TESPA1: variants seen among roughly 807,000 people sequenced by gnomAD.
TESPA1 encodes the protein thymocyte expressed, positive selection associated 1, also known as protein TESPA1.
A neutral mutation model predicts 57.9 loss-of-function variants in TESPA1; 33 were observed. The ratio of observed to expected loss-of-function variants is 0.57; its 90% CI spans 0.43 to 0.76. TESPA1 has a LOEUF of 0.76. TESPA1 is among the 30% of genes least tolerant of loss of function. The probability of loss-of-function intolerance (pLI) is 0.00; values close to 1 mark genes in which losing one functional copy is unlikely to be tolerated. For synonymous variants in TESPA1, 227 were observed against 228.9 expected (o/e 0.99, Z 0.07); for missense variants, 618 against 632.9 (o/e 0.98, Z 0.25).
chr12:54,963,324 A>C, intron 8 of TESPA1, 82 bp from the exon 9 acceptor site: 1 of 1,353,658 alleles, frequency 7.4e-7, no homozygotes. Context: ...GGCTCCCCAA[A>C]GCTCAAAATT....
At chr12:54,985,017 G>C (rs1017300555), upstream of TESPA1, among the ~76,000 whole-genome samples, 2 of 152,180 alleles carry the variant, frequency 1.3e-5, no homozygotes, top group African/African-American at 4.8e-5. Flanking sequence ...CATATAACTA[G>C]AATTCCACTG....
Position 54,962,650 on chromosome 12 carries a change from T to C in TESPA1, c.1248A>G (p.Leu416=). The C allele has an allele frequency of 6.2e-7, 1 of 1,613,964 alleles. No individual in the cohort carries two copies. Among genetic ancestry groups the C allele is most frequent in the Admixed American group, 1.7e-5 (1 of 60,024 alleles). The change falls in exon 9 of 11, where the codon CTA becomes CTG. Residue 416 remains leucine, a synonymous_variant. Transcript: ENST00000449076. ...PAQIRRELCS[L]PATNTETHPA... is the part of the protein sequence containing the mutation. ...GATGGGTTTCCGTATTGGTGGCTGG[T>C]AGACTACACAGCTCTCTCCTTATCT...
chr12:54,948,331 G>T lies in TESPA1; in HGVS notation c.*2061C>A, dbSNP rs4758991. 23,962 of 184,716 alleles carry T rather than the reference G, an allele frequency of 0.13. 2,837 individuals carry two copies. The highest frequency in any genetic ancestry group is 0.51 in the East Asian group (3,514 of 6,898). The allele number at this position is 184,716 out of a possible 1,614,324, so 11.4% of individuals were successfully genotyped here. On this transcript the variant is annotated 3_prime_UTR_variant, in exon 11 of 11. Coordinates refer to ENST00000449076, the MANE Select transcript of TESPA1 (RefSeq NM_001136030.3). ...GGATGTATACATGCAGGTCACAGGG[G>T]ATATGATGGCTTAGCTTGGGCTCAG...
At chr12:54,967,499 C>T (rs1275504560) in intron 4 of TESPA1, among the ~76,000 whole-genome samples, 1 of 151,926 alleles carries the variant, frequency 6.6e-6, no homozygotes, top group Non-Finnish European at 1.5e-5. Flanking sequence ...GTTATGTACA[C>T]AATCCCCTGC....
intron 1 of TESPA1, among the ~76,000 whole-genome samples, chr12:54,977,574 G>A (rs1452152144): frequency 6.6e-6 from 1 of 152,204 alleles, no homozygotes; most frequent in Admixed American, 6.5e-5. Context: ...AAAGGAAAAT[G>A]CCTATGAAGG....
chr12:54,980,084 C>A (rs563834641), intron 1 of TESPA1, among the ~76,000 whole-genome samples: 96 of 152,124 alleles, frequency 6.3e-4, no homozygotes, highest in African/African-American at 2.0e-3. Flanking sequence ...ATAGTTTTTC[C>A]ACTGACATTA....
intron 5 of TESPA1, 132 bp downstream of exon 5, chr12:54,967,051 G>A (rs1951484811): frequency 1.1e-6 from 1 of 943,934 alleles, no homozygotes. Flanking sequence ...TAATGAGACT[G>A]CCCTTTCCCT....
chr12:54,965,399 T>A (rs1249091876), intron 7 of TESPA1, among the ~76,000 whole-genome samples: 1 of 152,188 alleles, frequency 6.6e-6, no homozygotes, highest in African/African-American at 2.4e-5. Flanking sequence ...CCTGTGTCCA[T>A]GTGTTCTCAT....
Position 54,974,458 on chromosome 12 carries a change from G to A in TESPA1, c.105C>T (p.Ala35=), listed in dbSNP as rs373801233. The A allele has an allele frequency of 4.7e-5, 75 of 1,609,572 alleles. No individual in the cohort carries two copies. In the East Asian group the frequency reaches 1.3e-3, roughly 28 times the overall value. ...CAGGATCTGGGACATCCTGCAGGGC[G>A]GCGGCAGCCTCCTCTTCTAGGACCT... The part of the protein sequence containing the change: ...QTQVLEEEAA[A]ALQDVPDPEP... Residue 35 remains alanine (A), a synonymous_variant, in exon 2 of 11, where the codon GCC becomes GCT. Coordinates refer to ENST00000449076, the MANE Select transcript of TESPA1 (RefSeq NM_001136030.3).
intron 10 of TESPA1, among the ~76,000 whole-genome samples, chr12:54,957,830 A>T (rs1300914911): frequency 1.3e-5 from 2 of 152,230 alleles, no homozygotes; most frequent in African/African-American, 2.4e-5. Flanking sequence ...ACTCATAATT[A>T]TTTTACATTC....
Position 54,971,969 on chromosome 12 carries a change from A to C in TESPA1, c.206+1508T>G, listed in dbSNP as rs77766664. Reference sequence around the variant, plus strand: ...TCACCAGTCACTCACTATTAAAAGCATAAAGCACATACACATATATCATCT... The same window carrying C: ...TCACCAGTCACTCACTATTAAAAGCCTAAAGCACATACACATATATCATCT... On this transcript the variant is annotated intron_variant, in intron 3 of 10. Transcript: ENST00000449076. Among the ~76,000 whole-genome samples the C allele has an allele frequency of 3.9e-3, 593 of 152,336 alleles. 2 individuals are homozygous for C. Among genetic ancestry groups the C allele is most frequent in the Non-Finnish European group, 6.7e-3 (459 of 68,026 alleles).
At chr12:54,971,338 T>C (rs540699198) in intron 3 of TESPA1, among the ~76,000 whole-genome samples, 9 of 152,386 alleles carry the variant, frequency 5.9e-5, no homozygotes, top group African/African-American at 2.2e-4. Context: ...TAGAATCTCA[T>C]GTTTAGAATG....
intron 4 of TESPA1, 145 bp from the exon 5 acceptor site, chr12:54,967,381 G>C: frequency 1.1e-6 from 1 of 878,932 alleles, no homozygotes; most frequent in Non-Finnish European, 1.8e-6. Context: ...ACCCACGTTT[G>C]TCAAATTACC....
intron 10 of TESPA1, among the ~76,000 whole-genome samples, chr12:54,954,038 G>A (rs1287756202): frequency 6.6e-6 from 1 of 152,316 alleles, no homozygotes; most frequent in African/African-American, 2.4e-5. Context: ...AAGAAGGCAA[G>A]TACATTTCAG....
At chr12:54,979,286 A>G (rs963057578) in intron 1 of TESPA1, among the ~76,000 whole-genome samples, 1 of 152,188 alleles carries the variant, frequency 6.6e-6, no homozygotes, top group Non-Finnish European at 1.5e-5. Context: ...GAGTTCATCT[A>G]TCATCTCTCT....
At position 54,963,856 on chromosome 12, in the gene TESPA1, T is replaced by C. The variant is rs376871530; in HGVS notation, c.541A>G (p.Ile181Val). 1.4e-4 allele frequency: 221 copies of C among 1,613,994 alleles called. No individual in the cohort carries two copies. The East Asian group carries it at 3.2e-3, about 24-fold the overall frequency. The change falls in exon 8 of 11, where the codon ATA (isoleucine) becomes GTA (valine). Residue 181 changes from isoleucine to valine, a missense_variant. Around this residue, in one of 3 missense-constraint regions of TESPA1, gnomAD observed 409 missense variants for 420.1 expected, o/e 0.97. Transcript: ENST00000449076. ...GQEDHKDTSR[I>V]PARFFTTPSQ... Reference sequence around the variant, plus strand: ...GGGGTGGTGAAAAATCGGGCGGGTATCCGAGAAGTGTCTTTGTGATCCTCT... The same window carrying C: ...GGGGTGGTGAAAAATCGGGCGGGTACCCGAGAAGTGTCTTTGTGATCCTCT...
intron 3 of TESPA1, among the ~76,000 whole-genome samples, chr12:54,969,019 A>ATGTGTG (rs147959428): frequency 0.13 from 16,113 of 124,038 alleles, 2,421 homozygotes; most frequent in East Asian, 0.72. Context: ...ATATTTATAT[A>ATGTGTG]TGTATATATA....
intron 4 of TESPA1, 115 bp downstream of exon 4, chr12:54,967,727 AG>A: frequency 8.1e-7 from 1 of 1,234,344 alleles, no homozygotes; most frequent in South Asian, 1.4e-5. Flanking sequence ...AAGAACACTC[AG>A]GGACTCTTTT....
chr12:54,975,032 C>T (rs1952069222), intron 1 of TESPA1, among the ~76,000 whole-genome samples: 2 of 152,074 alleles, frequency 1.3e-5, no homozygotes, highest in African/African-American at 4.8e-5. Flanking sequence ...ATTTTTTAAT[C>T]CTCATCAAGA....
Sources: allele counts gnomAD v4.1 joint callset (sites outside exome capture counted in the v4.1 genomes callset), GRCh38; gene constraint gnomAD v4.1.1; regional missense constraint gnomAD v4.1.1; transcripts MANE v1.5; gene names NCBI Gene and HGNC (gene_info 2026-07-23, HGNC 2026-07-21).